Variants in PPP4R2 observed in about 807,000 individuals in gnomAD.
PPP4R2 encodes serine/threonine-protein phosphatase 4 regulatory subunit 2.
Under a neutral mutation model 47.2 loss-of-function variants are expected in PPP4R2, and 13 were observed. That is an observed-to-expected ratio of 0.28 (90% confidence interval 0.18 to 0.44). The LOEUF (loss-of-function observed/expected upper bound fraction) is 0.44. PPP4R2 is among the 20% of genes least tolerant of loss of function. The pLI is 1.00. For synonymous variants in PPP4R2, 151 were observed against 163.3 expected (o/e 0.92, Z 0.57); for missense variants, 421 against 491.2 (o/e 0.86, Z 1.35).
At chr3:73,021,163 C>T (rs1464141101) in intron 2 of PPP4R2, among the ~76,000 whole-genome samples, 2 of 151,588 alleles carry the variant, frequency 1.3e-5, no homozygotes, top group Admixed American at 1.3e-4. Context: ...TTTAAGTGAA[C>T]TCATATAGCT....
chr3:73,050,059 A>G (rs920154571), intron 3 of PPP4R2, among the ~76,000 whole-genome samples: 1 of 151,918 alleles, frequency 6.6e-6, no homozygotes, highest in East Asian at 1.9e-4. Context: ...TCCAGCCTCA[A>G]CCTCTCGAGT....
At chr3:73,050,901 T>C (rs1201437693) in intron 3 of PPP4R2, among the ~76,000 whole-genome samples, 2 of 152,168 alleles carry the variant, frequency 1.3e-5, no homozygotes, top group Non-Finnish European at 1.5e-5. Context: ...AATATACGTA[T>C]AGATTGTTGC....
Position 73,039,598 on chromosome 3 carries a change from T to G in PPP4R2, c.117-7588T>G, listed in dbSNP as rs570007360. Among the ~76,000 whole-genome samples, 32 of 152,296 alleles carry G rather than the reference T, an allele frequency of 2.1e-4. 2 individuals are homozygous for G. In the South Asian group the frequency reaches 6.4e-3, roughly 31 times the overall value. On this transcript the variant is annotated intron_variant, in intron 2 of 8. Transcript: ENST00000356692. ...TTCTTAACTGGGGACAATTTTTGAC[T>G]CCCAAGGAACATTTGATAATGTTGG...
intron 2 of PPP4R2, among the ~76,000 whole-genome samples, chr3:73,010,999 T>G (rs990120902): frequency 4.1e-5 from 6 of 144,892 alleles, no homozygotes; most frequent in African/African-American, 1.6e-4. Flanking sequence ...TTAGAAGGCT[T>G]AAATAATTTG....
At chr3:72,997,104 C>T in intron 1 of PPP4R2, 33 bp downstream of exon 1, 1 of 1,335,296 alleles carries the variant, frequency 7.5e-7, no homozygotes, top group Non-Finnish European at 9.7e-7. Context: ...CATTCCCCCT[C>T]ACCTTCTCCG....
intron 3 of PPP4R2, among the ~76,000 whole-genome samples, chr3:73,052,495 C>T (rs905802188): frequency 3.3e-5 from 5 of 152,028 alleles, no homozygotes; most frequent in African/African-American, 1.2e-4. Flanking sequence ...TATGAAAATC[C>T]TCCTCCTATT....
rs1702993350 is a variant in PPP4R2 at position 73,066,239 on chromosome 3, C to CATATACAT, written c.*522_*523insCATATATA. 3 of 134,118 alleles carry CATATACAT rather than the reference C, an allele frequency of 2.2e-5. No homozygotes were observed. In the South Asian group the frequency reaches 7.3e-4, roughly 33 times the overall value. The allele number at this position is 134,118 out of a possible 1,614,324, so 8.3% of individuals were successfully genotyped here. ...TGGAACTTTAAGTCATATATACATA[C>CATATACAT]ATATATATATATATATATATATAAT... On this transcript the variant is annotated 3_prime_UTR_variant, in exon 9 of 9. Transcript: ENST00000356692.
At chr3:73,041,447 TCA>T (rs1482577818) in intron 2 of PPP4R2, among the ~76,000 whole-genome samples, 1 of 152,246 alleles carries the variant, frequency 6.6e-6, no homozygotes, top group Admixed American at 6.5e-5. Flanking sequence ...TTTGTTTGCC[TCA>T]GTCATATAAT....
chr3:73,058,735 A>T (rs1422201813), intron 3 of PPP4R2, among the ~76,000 whole-genome samples: 1 of 152,018 alleles, frequency 6.6e-6, no homozygotes, highest in Non-Finnish European at 1.5e-5. Flanking sequence ...TGTGCTATCA[A>T]ATACTAGATC....
chr3:73,065,185 C>T (rs1166466290), intron 8 of PPP4R2, 44 bp downstream of exon 8: 2 of 1,518,128 alleles, frequency 1.3e-6, no homozygotes, highest in East Asian at 4.6e-5. Flanking sequence ...AGGAGATCCT[C>T]AAATTCTTGT....
chr3:73,062,477 A>T (rs201760844), intron 5 of PPP4R2: 9 of 1,613,184 alleles, frequency 5.6e-6, no homozygotes, highest in Non-Finnish European at 7.6e-6. Flanking sequence ...TGTGTTTCAT[A>T]TTTGATGGGT....
Position 73,019,634 on chromosome 3 carries a change from A to C in PPP4R2, c.116+21476A>C, listed in dbSNP as rs190923152. ...GATGATCTGCTCCCTTTGGCTTCCC[A>C]AAGTGCTGGGATTACAGGTGTGAGC... On this transcript the variant is annotated intron_variant, in intron 2 of 8. Coordinates refer to ENST00000356692, the MANE Select transcript of PPP4R2 (RefSeq NM_174907.4). 2.0e-5 allele frequency among the ~76,000 whole-genome samples: 3 copies of C among 152,308 alleles called. No homozygotes were observed. In the East Asian group the frequency reaches 5.8e-4, roughly 29 times the overall value.
intron 3 of PPP4R2, among the ~76,000 whole-genome samples, chr3:73,048,149 A>T (rs1346276153): frequency 3.3e-5 from 5 of 152,194 alleles, no homozygotes; most frequent in Admixed American, 3.3e-4. Flanking sequence ...TGCTGGAATT[A>T]CAGGCGTGAG....
intron 7 of PPP4R2, among the ~76,000 whole-genome samples, chr3:73,064,370 AAAGTAACGTAGATATGATG>A (rs1296954599): frequency 1.3e-5 from 2 of 152,182 alleles, no homozygotes; most frequent in Non-Finnish European, 2.9e-5. Flanking sequence ...GTAGGGTCTA[AAAGTAACGTAGATATGATG>A]ATCCATTTCA....
At position 73,064,992 on chromosome 3, in the gene PPP4R2, CCAGT is replaced by C; in HGVS notation, c.782_785del (p.Ser261LysfsTer12). ...AAAGAAGGTGAAGTCAGAGAAACAG[CCAGT>C]CAAACGACTTCCAGCGAAATTTCTT... On this transcript the variant is annotated frameshift_variant, in exon 8 of 9. Transcript: ENST00000356692. LOFTEE classifies it high-confidence loss of function. The C allele has an allele frequency of 6.2e-7, 1 of 1,613,872 alleles. No individual in the cohort carries two copies. Among genetic ancestry groups the C allele is most frequent in the Non-Finnish European group, 8.5e-7 (1 of 1,179,820 alleles).
chr3:73,026,701 A>AT lies in PPP4R2; in HGVS notation c.117-20476dup, dbSNP rs11365723. Among the ~76,000 whole-genome samples the AT allele has an allele frequency of 3.8e-4, 57 of 151,662 alleles. 1 individual carries two copies. Among genetic ancestry groups the AT allele is most frequent in the South Asian group, 2.3e-3 (11 of 4,794 alleles). On this transcript the variant is annotated intron_variant, in intron 2 of 8. Transcript: ENST00000356692. ...CTTGAAACATTATGAGATTTTTGCG[A>AT]TTTTTTTTTAAAAAAAGCACATCAG... is the stretch of plus-strand genomic sequence containing the variant.
chr3:73,046,523 G>A (rs902692043), intron 2 of PPP4R2, among the ~76,000 whole-genome samples: 1 of 152,110 alleles, frequency 6.6e-6, no homozygotes, highest in African/African-American at 2.4e-5. Flanking sequence ...TGAGGAAAGA[G>A]GGATAAAAAG....
chr3:73,058,170 A>T (rs371936165), intron 3 of PPP4R2, among the ~76,000 whole-genome samples: 2 of 152,140 alleles, frequency 1.3e-5, no homozygotes, highest in African/African-American at 4.8e-5. Context: ...GGTCAAGGAA[A>T]AATTGAGGTA....
intron 2 of PPP4R2, among the ~76,000 whole-genome samples, chr3:73,012,593 G>A (rs1000212310): frequency 3.9e-4 from 60 of 152,112 alleles, no homozygotes; most frequent in African/African-American, 1.3e-3. Flanking sequence ...GAGCCACTGC[G>A]CCCAGCCCTT....
Sources: gnomAD v4.1 joint callset for allele counts (sites outside exome capture counted in the v4.1 genomes callset) on GRCh38, gnomAD v4.1.1 for gene constraint, MANE v1.5 for transcripts, NCBI Gene and HGNC (gene_info 2026-07-23, HGNC 2026-07-21) for gene names.